The following CTNND2 variants were observed in gnomAD, a reference collection of about 807,000 sequenced individuals.
CTNND2 encodes the protein catenin delta-2.
In CTNND2, 22 loss-of-function variants were observed where a neutral mutation model predicts 144.4. That is an observed-to-expected ratio of 0.15 (90% CI 0.11 to 0.22). The LOEUF (loss-of-function observed/expected upper bound fraction) is 0.22, where lower values mean the gene tolerates loss of function less well. CTNND2 is among the 10% of genes least tolerant of loss of function. The probability of loss-of-function intolerance (pLI) is 1.00; values close to 1 mark genes in which losing one functional copy is unlikely to be tolerated. For missense variants in CTNND2, 1,353 were observed against 1,618.8 expected, an observed-to-expected ratio of 0.84 and a Z score of 2.82; for synonymous variants, 751 against 695.6, an observed-to-expected ratio of 1.08 and a Z score of -1.25.
intron 17 of CTNND2, among the ~76,000 whole-genome samples, chr5:11,020,933 CA>C (rs1248121975): frequency 1.3e-5 from 2 of 152,032 alleles, no homozygotes; most frequent in Admixed American, 1.3e-4. Context: ...AATTTTCAGC[CA>C]AATTAAAGGG....
chr5:11,607,752 C>T (rs545883985), intron 2 of CTNND2, among the ~76,000 whole-genome samples: 1 of 152,178 alleles, frequency 6.6e-6, no homozygotes, highest in South Asian at 2.1e-4. Context: ...TGTCAACATC[C>T]CCAATGAAAG....
chr5:11,819,360 G>T (rs1181648306), intron 1 of CTNND2, among the ~76,000 whole-genome samples: 1 of 152,126 alleles, frequency 6.6e-6, no homozygotes, highest in Non-Finnish European at 1.5e-5. Context: ...CTTGAGCCCA[G>T]GAGGCAAGAG....
chr5:11,284,653 C>T (rs1478013534), intron 9 of CTNND2, among the ~76,000 whole-genome samples: 1 of 152,128 alleles, frequency 6.6e-6, no homozygotes, highest in Non-Finnish European at 1.5e-5. Context: ...TTTCTTTATC[C>T]AGTTTATCAT....
chr5:11,341,578 T>C (rs777396906), intron 9 of CTNND2, among the ~76,000 whole-genome samples: 2 of 152,222 alleles, frequency 1.3e-5, no homozygotes, highest in South Asian at 2.1e-4. Context: ...CCTGAGAGAA[T>C]TGGACCCTGA....
intron 2 of CTNND2, among the ~76,000 whole-genome samples, chr5:11,653,034 G>A (rs892210737): frequency 6.6e-6 from 1 of 150,736 alleles, no homozygotes; most frequent in Admixed American, 6.6e-5. Context: ...TTTGCAGATG[G>A]CAGAATTTCC....
At chr5:11,626,539 A>T (rs1259920713) in intron 2 of CTNND2, among the ~76,000 whole-genome samples, 1 of 152,158 alleles carries the variant, frequency 6.6e-6, no homozygotes. Context: ...AGAGTGTTTA[A>T]GTCACTTAAG....
intron 9 of CTNND2, among the ~76,000 whole-genome samples, chr5:11,240,383 C>CCCTCAAACACACACCCA (rs1561075120): frequency 4.5e-5 from 1 of 22,112 alleles, no homozygotes; most frequent in Non-Finnish European, 8.2e-5. Flanking sequence ...CACACACATA[C>CCCTCAAACACACACCCA]ACTCACACAC....
At chr5:11,213,707 C>T (rs920177433) in intron 10 of CTNND2, among the ~76,000 whole-genome samples, 1 of 152,110 alleles carries the variant, frequency 6.6e-6, no homozygotes, top group Non-Finnish European at 1.5e-5. Flanking sequence ...GAGACCTTCT[C>T]CCAGGCATTC....
chr5:11,223,637 T>C (rs1740027095), intron 10 of CTNND2, among the ~76,000 whole-genome samples: 1 of 152,178 alleles, frequency 6.6e-6, no homozygotes, highest in East Asian at 1.9e-4. Context: ...CTGAAGTCTC[T>C]ACTCAGTGAC....
At chr5:11,135,342 A>C (rs1286927212) in intron 12 of CTNND2, among the ~76,000 whole-genome samples, 1 of 152,210 alleles carries the variant, frequency 6.6e-6, no homozygotes, top group Non-Finnish European at 1.5e-5. Context: ...GGTTTTTCTA[A>C]AGTTCATCTT....
intron 9 of CTNND2, among the ~76,000 whole-genome samples, chr5:11,345,585 G>A (rs946280657): frequency 4.6e-5 from 7 of 151,970 alleles, no homozygotes; most frequent in Non-Finnish European, 1.0e-4. Flanking sequence ...CAAGCCACCT[G>A]CCCTGCCATA....
At chr5:11,347,596 A>G (rs1754926897) in intron 8 of CTNND2, among the ~76,000 whole-genome samples, 1 of 152,200 alleles carries the variant, frequency 6.6e-6, no homozygotes, top group East Asian at 1.9e-4. Flanking sequence ...CCAGTTATTA[A>G]CTGCTTTAGA....
rs576398141 is a variant in CTNND2 at position 11,837,509 on chromosome 5, A to G, written c.37+66308T>C. ...CCAAGGGCAGGGAAGACTAGTCATC[A>G]TAAGAGAAGGCAATCTCGAATCTCC... On this transcript the variant is annotated intron_variant, in intron 1 of 21. Coordinates refer to ENST00000304623, the MANE Select transcript of CTNND2 (RefSeq NM_001332.4). Among the ~76,000 whole-genome samples, 84 of 152,346 alleles carry G rather than the reference A, an allele frequency of 5.5e-4. 1 individual carries two copies. The South Asian group carries it at 8.1e-3, about 15-fold the overall frequency.
At chr5:11,454,986 T>G (rs1318222978) in intron 3 of CTNND2, among the ~76,000 whole-genome samples, 1 of 151,484 alleles carries the variant, frequency 6.6e-6, no homozygotes. Flanking sequence ...GAAAATGGAA[T>G]GCTGGCAAAT....
At chr5:11,523,413 G>A (rs776310507) in intron 3 of CTNND2, among the ~76,000 whole-genome samples, 8 of 152,052 alleles carry the variant, frequency 5.3e-5, no homozygotes, top group African/African-American at 1.4e-4. Context: ...CGTAACCATC[G>A]AGTCTCTCAA....
intron 8 of CTNND2, among the ~76,000 whole-genome samples, chr5:11,352,497 C>T (rs1755426595): frequency 6.6e-6 from 1 of 152,070 alleles, no homozygotes; most frequent in Non-Finnish European, 1.5e-5. Flanking sequence ...ACCACCATGG[C>T]ACACATTTAT....
chr5:11,155,716 CT>C (rs957419118), intron 12 of CTNND2, among the ~76,000 whole-genome samples: 9 of 152,034 alleles, frequency 5.9e-5, no homozygotes, highest in African/African-American at 1.4e-4. Context: ...AAATTTAAGG[CT>C]TTTTTTTCCC....
chr5:11,558,704 G>A (rs566530186), intron 3 of CTNND2, among the ~76,000 whole-genome samples: 1 of 152,182 alleles, frequency 6.6e-6, no homozygotes, highest in South Asian at 2.1e-4. Context: ...TGCTGGGTGG[G>A]GCCCAGGTTG....
At chr5:11,411,701 C>T in intron 4 of CTNND2, 49 bp from the exon 5 acceptor site, 1 of 1,133,248 alleles carries the variant, frequency 8.8e-7, no homozygotes, top group Non-Finnish European at 1.3e-6. Flanking sequence ...GTATATTATT[C>T]TTAAAGATTT....
Sources: allele counts gnomAD v4.1 joint callset (sites outside exome capture counted in the v4.1 genomes callset), GRCh38; gene constraint gnomAD v4.1.1; transcripts MANE v1.5; gene names NCBI Gene and HGNC (gene_info 2026-07-23, HGNC 2026-07-21).